Variants in NUDCD3 observed in about 807,000 individuals in gnomAD.
The protein encoded by NUDCD3 is nudC domain-containing protein 3.
In NUDCD3, 13 loss-of-function variants were observed where a neutral mutation model predicts 39.7. That is an observed-to-expected ratio of 0.33 (90% CI 0.21 to 0.52). The LOEUF (loss-of-function observed/expected upper bound fraction) is 0.52, where lower values mean the gene tolerates loss of function less well. NUDCD3 is among the 20% of genes least tolerant of loss of function. NUDCD3 has a pLI of 0.96. For synonymous variants in NUDCD3, 175 were observed against 172.4 expected (o/e 1.02, Z -0.12); for missense variants, 453 against 458.1 (o/e 0.99, Z 0.10).
At chr7:44,489,063 G>T (rs150464176) in intron 1 of NUDCD3, among the ~76,000 whole-genome samples, 1 of 152,196 alleles carries the variant, frequency 6.6e-6, no homozygotes, top group African/African-American at 2.4e-5. Context: ...TTAAACAACA[G>T]AACAGGAAGA....
chr7:44,380,483 A>C lies in NUDCD3; in HGVS notation c.*5528T>G, dbSNP rs1290498899. 1 of 152,268 alleles carries C rather than the reference A, an allele frequency of 6.6e-6. No individual in the cohort carries two copies. Among genetic ancestry groups the C allele is most frequent in the East Asian group, 1.9e-4 (1 of 5,198 alleles). The allele number at this position is 152,268 out of a possible 1,614,324, so 9.4% of individuals were successfully genotyped here. On this transcript the variant is annotated 3_prime_UTR_variant, in exon 6 of 6. Coordinates refer to ENST00000355451, the MANE Select transcript of NUDCD3 (RefSeq NM_015332.4). ...TGGAATCTTCCCCACCTTAAGGCTT[A>C]GCTCCAGTCTGTAGCCCATTCCCTG...
At chr7:44,472,685 G>C (rs1199207942) in intron 2 of NUDCD3, among the ~76,000 whole-genome samples, 3 of 152,208 alleles carry the variant, frequency 2.0e-5, no homozygotes, top group Non-Finnish European at 2.9e-5. Flanking sequence ...TTTAGTATTT[G>C]TAGATACAAA....
intron 4 of NUDCD3, among the ~76,000 whole-genome samples, chr7:44,392,992 A>G (rs776071362): frequency 6.6e-6 from 1 of 152,060 alleles, no homozygotes; most frequent in Non-Finnish European, 1.5e-5. Flanking sequence ...ACATTCTGCT[A>G]TCTTAGGGGT....
At chr7:44,412,843 C>T (rs958403909) in intron 3 of NUDCD3, among the ~76,000 whole-genome samples, 2 of 146,366 alleles carry the variant, frequency 1.4e-5, no homozygotes, top group East Asian at 2.0e-4. Context: ...AGGAGAATGG[C>T]GTGAACCCAG....
chr7:44,456,830 A>G (rs902816573), intron 2 of NUDCD3, among the ~76,000 whole-genome samples: 2 of 152,176 alleles, frequency 1.3e-5, no homozygotes, highest in Non-Finnish European at 2.9e-5. Context: ...AATGCAGGGA[A>G]TATTTCCAAC....
Position 44,392,586 on chromosome 7 carries a change from G to A in NUDCD3, c.787-101C>T, listed in dbSNP as rs1798542064. 5 of 1,009,628 alleles carry A rather than the reference G, an allele frequency of 5.0e-6. No individual in the cohort carries two copies. The Admixed American group carries it at 1.1e-4, about 22-fold the overall frequency. The allele number at this position is 1,009,628 out of a possible 1,614,324, so 62.5% of individuals were successfully genotyped here. A position where few individuals can be genotyped will look rare whatever the true frequency, so the allele number is the denominator to read the frequency against. On this transcript the variant is annotated intron_variant, in intron 4 of 5. Transcript: ENST00000355451. Reference sequence around the variant, plus strand: ...ACTGAGGGATGGGTGTCCAGGATAAGCTCAGGACCAACTACACAAAGGGAG... The same window carrying A: ...ACTGAGGGATGGGTGTCCAGGATAAACTCAGGACCAACTACACAAAGGGAG...
At chr7:44,476,620 C>T (rs1397490860) in intron 2 of NUDCD3, among the ~76,000 whole-genome samples, 10 of 152,156 alleles carry the variant, frequency 6.6e-5, no homozygotes. Context: ...GTTTATAAGC[C>T]ACCCAGGCTA....
At chr7:44,490,044 G>A (rs1364109845) in intron 1 of NUDCD3, 2 of 181,664 alleles carry the variant, frequency 1.1e-5, no homozygotes, top group African/African-American at 4.7e-5. Flanking sequence ...CAAGTCTTTG[G>A]TAGTTCTGGG....
intron 2 of NUDCD3, among the ~76,000 whole-genome samples, chr7:44,456,560 G>A (rs1799906518): frequency 6.6e-6 from 1 of 152,140 alleles, no homozygotes; most frequent in Admixed American, 6.5e-5. Context: ...CTTGAACCCA[G>A]GAGTTCAAGA....
chr7:44,403,404 G>A (rs1421739070), intron 4 of NUDCD3, among the ~76,000 whole-genome samples: 1 of 152,254 alleles, frequency 6.6e-6, no homozygotes. Context: ...GCACCAAGGA[G>A]CATGTTGTCT....
intron 2 of NUDCD3, among the ~76,000 whole-genome samples, chr7:44,469,164 G>A: frequency 7.0e-6 from 1 of 142,066 alleles, no homozygotes; most frequent in Admixed American, 7.1e-5. Flanking sequence ...GTCAACTTGA[G>A]TCAGCAGGTA....
intron 2 of NUDCD3, among the ~76,000 whole-genome samples, chr7:44,447,738 T>C (rs1799714206): frequency 6.6e-6 from 1 of 152,192 alleles, no homozygotes; most frequent in African/African-American, 2.4e-5. Flanking sequence ...TGAAACACCA[T>C]CCTTGCATTA....
intron 2 of NUDCD3, among the ~76,000 whole-genome samples, chr7:44,438,132 G>T (rs1375726455): frequency 1.3e-5 from 2 of 152,070 alleles, no homozygotes; most frequent in African/African-American, 4.8e-5. Context: ...GAGGCAGGAG[G>T]ACTGCTTGAG....
intron 4 of NUDCD3, among the ~76,000 whole-genome samples, chr7:44,393,401 G>A (rs1212032918): frequency 1.3e-5 from 2 of 152,190 alleles, no homozygotes; most frequent in Admixed American, 6.5e-5. Flanking sequence ...GTACCTAGGT[G>A]ACCCTGGCTG....
intron 3 of NUDCD3, chr7:44,426,101 C>T: frequency 1.0e-6 from 1 of 985,174 alleles, no homozygotes; most frequent in African/African-American, 1.7e-5. Flanking sequence ...GACCTGGGTT[C>T]TTTGCTTTGC....
intron 2 of NUDCD3, among the ~76,000 whole-genome samples, chr7:44,455,993 T>A (rs1585090949): frequency 1.0e-5 from 1 of 97,978 alleles, no homozygotes; most frequent in Non-Finnish European, 1.9e-5. Context: ...GCCACTGCAC[T>A]CCAGCCTGGG....
intron 2 of NUDCD3, among the ~76,000 whole-genome samples, chr7:44,457,801 A>G (rs1799933748): frequency 6.6e-6 from 1 of 152,234 alleles, no homozygotes; most frequent in Non-Finnish European, 1.5e-5. Flanking sequence ...ATCCCACTTC[A>G]TGCCCACTAG....
chr7:44,429,747 G>A (rs1367407507), intron 2 of NUDCD3, among the ~76,000 whole-genome samples: 1 of 152,118 alleles, frequency 6.6e-6, no homozygotes, highest in Non-Finnish European at 1.5e-5. Context: ...GCCACTGTGG[G>A]ACAGAGAGAT....
intron 2 of NUDCD3, among the ~76,000 whole-genome samples, chr7:44,469,064 A>G (rs544154134): frequency 2.7e-5 from 4 of 149,622 alleles, no homozygotes; most frequent in African/African-American, 7.3e-5. Context: ...AAACCAGAAT[A>G]GAGACAATCA....
Sources: allele counts gnomAD v4.1 joint callset (sites outside exome capture counted in the v4.1 genomes callset), GRCh38; gene constraint gnomAD v4.1.1; transcripts MANE v1.5; gene names NCBI Gene and HGNC (gene_info 2026-07-23, HGNC 2026-07-21).